Variants in DIS3L2 observed in about 807,000 individuals in gnomAD.
DIS3L2 encodes the protein DIS3 like 3'-5' exoribonuclease 2, also known as DIS3-like exonuclease 2.
Under a neutral mutation model 97.5 loss-of-function variants are expected in DIS3L2, and 34 were observed. The ratio of observed to expected loss-of-function variants is 0.35; its 90% CI spans 0.27 to 0.46. DIS3L2 has a LOEUF of 0.46. DIS3L2 is among the 20% of genes least tolerant of loss of function. DIS3L2 has a pLI of 1.00. For missense variants in DIS3L2, 1,038 were observed against 1,146.0 expected, an observed-to-expected ratio of 0.91 and a Z score of 1.36; for synonymous variants, 435 against 445.2, an observed-to-expected ratio of 0.98 and a Z score of 0.29.
chr2:231,967,658 A>G (rs1486064526), intron 1 of DIS3L2, among the ~76,000 whole-genome samples: 1 of 152,194 alleles, frequency 6.6e-6, no homozygotes, highest in Admixed American at 6.5e-5. Flanking sequence ...GTAAATGAAA[A>G]AAAGAATTGT....
intron 1 of DIS3L2, among the ~76,000 whole-genome samples, chr2:231,977,120 C>G (rs2106172649): frequency 6.6e-6 from 1 of 152,304 alleles, no homozygotes; most frequent in African/African-American, 2.4e-5. Context: ...TTATTAAATA[C>G]TGCACTGAAA....
chr2:232,168,603 A>G (rs1020391832), intron 9 of DIS3L2, among the ~76,000 whole-genome samples: 1 of 152,188 alleles, frequency 6.6e-6, no homozygotes, highest in Non-Finnish European at 1.5e-5. Flanking sequence ...GCACTTGGCA[A>G]AAGCATAGGA....
At chr2:231,990,512 G>A (rs906801670) in intron 1 of DIS3L2, among the ~76,000 whole-genome samples, 4 of 152,084 alleles carry the variant, frequency 2.6e-5, no homozygotes, top group African/African-American at 7.2e-5. Context: ...AATAAAATGC[G>A]GGAAAGAAAC....
At chr2:232,130,761 C>T (rs1384782173) in intron 7 of DIS3L2, 42 bp downstream of exon 7, 1 of 1,608,036 alleles carries the variant, frequency 6.2e-7, no homozygotes, top group Admixed American at 1.7e-5. Context: ...AAATGGCTTT[C>T]ACCTGAGCTA....
At chr2:232,338,018 C>T (rs1696019930), downstream of DIS3L2, among the ~76,000 whole-genome samples, 1 of 150,910 alleles carries the variant, frequency 6.6e-6, no homozygotes, top group African/African-American at 2.5e-5. Context: ...AGAACCTTCT[C>T]CTGGAGCCAA....
intron 17 of DIS3L2, 128 bp downstream of exon 17, chr2:232,334,115 G>A: frequency 7.1e-7 from 1 of 1,411,934 alleles, no homozygotes; most frequent in Non-Finnish European, 9.3e-7. Context: ...GGCGACCCAA[G>A]TGCAGGGGAG....
chr2:232,023,016 C>A (rs914227935), intron 3 of DIS3L2: 5 of 152,190 alleles, frequency 3.3e-5, no homozygotes, highest in African/African-American at 1.2e-4. Context: ...CTTTTGCTAA[C>A]ACAGTGTCCT....
rs557889789 is a variant in DIS3L2 at position 232,086,754 on chromosome 2, G to A, written c.367-733G>A. ...GAGTGCAGTGGTGCCATCTCGGCTC[G>A]CTGCAAGCTCCGCCTCCTGGGTTCA... is the stretch of plus-strand genomic sequence containing the variant. On this transcript the variant is annotated intron_variant, in intron 5 of 20. Coordinates refer to ENST00000325385, the MANE Select transcript of DIS3L2 (RefSeq NM_152383.5). Among the ~76,000 whole-genome samples, 421 of 148,368 alleles carry A rather than the reference G, an allele frequency of 2.8e-3. 1 individual carries two copies. The highest frequency in any genetic ancestry group is 4.7e-3 in the Non-Finnish European group (315 of 67,260).
intron 5 of DIS3L2, among the ~76,000 whole-genome samples, chr2:232,083,292 C>A (rs761450842): frequency 0.097 from 7,846 of 80,630 alleles, 452 homozygotes; most frequent in Admixed American, 0.18. Flanking sequence ...CCCCCCCCCC[C>A]CCCACATATA....
At chr2:232,097,787 T>G (rs1194299165) in intron 6 of DIS3L2, among the ~76,000 whole-genome samples, 1 of 152,186 alleles carries the variant, frequency 6.6e-6, no homozygotes, top group Non-Finnish European at 1.5e-5. Context: ...AAGTCTTCCT[T>G]TCTTTTTTCT....
At chr2:232,069,894 GATCA>G (rs1553604724) in intron 5 of DIS3L2, among the ~76,000 whole-genome samples, 1 of 152,134 alleles carries the variant, frequency 6.6e-6, no homozygotes, top group Non-Finnish European at 1.5e-5. Flanking sequence ...CTCTCAATTT[GATCA>G]GTTTGTCTCA....
intron 6 of DIS3L2, among the ~76,000 whole-genome samples, chr2:232,100,899 G>T (rs995257974): frequency 6.6e-6 from 1 of 151,584 alleles, no homozygotes; most frequent in African/African-American, 2.4e-5. Context: ...GTTTATTATT[G>T]TGTGTACTTT....
At chr2:231,999,679 T>G (rs1693827473) in intron 1 of DIS3L2, among the ~76,000 whole-genome samples, 1 of 152,228 alleles carries the variant, frequency 6.6e-6, no homozygotes, top group Non-Finnish European at 1.5e-5. Context: ...AGTTTAATCT[T>G]TATTTACACT....
At chr2:232,026,882 C>T (rs1023906143) in intron 4 of DIS3L2, among the ~76,000 whole-genome samples, 2 of 151,992 alleles carry the variant, frequency 1.3e-5, no homozygotes, top group South Asian at 2.1e-4. Flanking sequence ...TAGACAGTTG[C>T]GATATTAGGA....
chr2:232,041,334 A>T (rs1204175278), intron 5 of DIS3L2, among the ~76,000 whole-genome samples: 2 of 152,200 alleles, frequency 1.3e-5, no homozygotes, highest in African/African-American at 4.8e-5. Context: ...ATGCACAGGT[A>T]TTCAAAAGGC....
chr2:232,231,863 G>A (rs145095588), intron 10 of DIS3L2, among the ~76,000 whole-genome samples: 13 of 152,324 alleles, frequency 8.5e-5, no homozygotes, highest in East Asian at 7.7e-4. Context: ...TTCATGATCC[G>A]CATGTAGTAA....
At position 232,321,768 on chromosome 2, in the gene DIS3L2, G is replaced by A. The variant is rs529611243; in HGVS notation, c.1740-8045G>A. Among the ~76,000 whole-genome samples, 55 of 152,278 alleles carry A rather than the reference G, an allele frequency of 3.6e-4. No individual in the cohort carries two copies. The South Asian group carries it at 4.8e-3, about 13-fold the overall frequency. On this transcript the variant is annotated intron_variant, in intron 14 of 20. Transcript: ENST00000325385. The stretch of plus-strand genomic sequence containing the variant: ...GCTTCTGCCCTCATCCAACTGCAGC[G>A]GGACAGAGGCAAACAAGAGGCCCCC...
At chr2:231,965,348 A>G (rs1444055769) in intron 1 of DIS3L2, among the ~76,000 whole-genome samples, 2 of 152,188 alleles carry the variant, frequency 1.3e-5, no homozygotes, top group Non-Finnish European at 2.9e-5. Flanking sequence ...TATGCTTTAC[A>G]TAAGGAGAGT....
At chr2:232,171,897 G>A (rs1691001117) in intron 9 of DIS3L2, among the ~76,000 whole-genome samples, 1 of 152,088 alleles carries the variant, frequency 6.6e-6, no homozygotes, top group Non-Finnish European at 1.5e-5. Context: ...ATAGATTTTT[G>A]TCTGAACCAG....
Sources: allele counts gnomAD v4.1 joint callset (sites outside exome capture counted in the v4.1 genomes callset), GRCh38; gene constraint gnomAD v4.1.1; transcripts MANE v1.5; gene names NCBI Gene and HGNC (gene_info 2026-07-23, HGNC 2026-07-21).